MATR3: variants seen among roughly 807,000 people sequenced by gnomAD.
MATR3 encodes matrin-3.
MATR3 carries 4 observed loss-of-function variants against 85.5 expected under a neutral mutation model. The observed-to-expected ratio is 0.05, with a 90% CI of 0.02 to 0.11. The LOEUF (loss-of-function observed/expected upper bound fraction) is 0.11. MATR3 is among the 10% of genes least tolerant of loss of function. MATR3 has a pLI of 1.00. For missense variants in MATR3, 685 were observed against 1,016.1 expected (o/e 0.67, Z 4.43); for synonymous variants, 336 against 343.1 (o/e 0.98, Z 0.23).
intron 1 of MATR3, chr5:139,274,446 T>G (rs1348713560): frequency 4.8e-6 from 1 of 209,812 alleles, no homozygotes; most frequent in Non-Finnish European, 9.9e-6. Flanking sequence ...GAGGAACAAA[T>G]GTCCGGTGGA....
In MATR3 at chr5:139,307,526, T is replaced by C; in HGVS notation, c.111T>C (p.Ser37=). 1.2e-6 allele frequency: 2 copies of C among 1,614,138 alleles called. No homozygotes were observed. The highest frequency in any genetic ancestry group is 2.2e-5 in the East Asian group (1 of 44,884). The change falls in exon 2 of 15, where the codon AGT becomes AGC. Residue 37 remains serine, a synonymous_variant. Coordinates refer to ENST00000394805, the MANE Select transcript of MATR3 (RefSeq NM_018834.6). This position sits in a 1 kb window ranked among gnomAD's most constrained non-coding sequence, Gnocchi z 4.4. ...TTGCTGCTGCTACCCAGTCTTTAAG[T>C]ATGCCAGCATCTCTTGGAAGGATGA... ...GLLAAATQSL[S]MPASLGRMNQ... is the part of the protein sequence containing the mutation.
At chr5:139,298,180 CTT>C (rs750580473) in intron 1 of MATR3, among the ~76,000 whole-genome samples, 1 of 152,196 alleles carries the variant, frequency 6.6e-6, no homozygotes, top group African/African-American at 2.4e-5. Flanking sequence ...AACCGTCCCT[CTT>C]AACACACGGG....
At chr5:139,274,999 G>T (rs1753215972) in intron 1 of MATR3, among the ~76,000 whole-genome samples, 1 of 151,242 alleles carries the variant, frequency 6.6e-6, no homozygotes, top group Non-Finnish European at 1.5e-5. Flanking sequence ...TTTTTTTAAC[G>T]GAGTCTTGCT....
intron 12 of MATR3, among the ~76,000 whole-genome samples, chr5:139,325,085 C>G (rs1294780711): frequency 6.6e-6 from 1 of 151,650 alleles, no homozygotes; most frequent in Non-Finnish European, 1.5e-5. Flanking sequence ...CCCAGCTACT[C>G]GGGAGGCTGA....
At chr5:139,319,116 C>CT in intron 8 of MATR3, 83 bp downstream of exon 8, 1 of 1,477,302 alleles carries the variant, frequency 6.8e-7, no homozygotes, top group East Asian at 2.4e-5. Context: ...CAAATTATTG[C>CT]TAAGGCCAGG....
chr5:139,319,449 C>T lies in MATR3; in HGVS notation c.1550C>T (p.Ala517Val). The T allele has an allele frequency of 6.2e-7, 1 of 1,613,900 alleles. No homozygotes were observed. Among genetic ancestry groups the T allele is most frequent in the Non-Finnish European group, 8.5e-7 (1 of 1,179,898 alleles). Residue 517 changes from alanine (A) to valine (V), a missense_variant, in exon 9 of 15, where the codon GCT becomes GTT. Around this residue, in one of 9 missense-constraint regions of MATR3, gnomAD observed 50 missense variants for 133.4 expected, o/e 0.37. Coordinates refer to ENST00000394805, the MANE Select transcript of MATR3 (RefSeq NM_018834.6). ...GYSDSAVLKL[A>V]EPYGKIKNYI... ...TCTGATAGTGCTGTTCTCAAGCTTG[C>T]TGAGCCTTATGGGAAAATAAAGAAT...
chr5:139,305,320 C>CGA (rs1554146006), intron 1 of MATR3, among the ~76,000 whole-genome samples: 3 of 152,262 alleles, frequency 2.0e-5, no homozygotes, highest in Admixed American at 6.5e-5. Context: ...GCTCTGTAGT[C>CGA]TAACAGTCAC....
intron 9 of MATR3, among the ~76,000 whole-genome samples, chr5:139,320,408 G>A (rs1241447972): frequency 2.6e-5 from 4 of 152,024 alleles, no homozygotes; most frequent in South Asian, 4.1e-4. Context: ...GTTTGAGACC[G>A]CCCTGACAAC....
intron 2 of MATR3, among the ~76,000 whole-genome samples, chr5:139,278,010 A>G (rs1018326033): frequency 6.6e-6 from 1 of 152,046 alleles, no homozygotes; most frequent in African/African-American, 2.4e-5. Context: ...TGGGAGGATC[A>G]TTTGAACCCA....
chr5:139,275,928 T>C (rs1254250619), intron 1 of MATR3, among the ~76,000 whole-genome samples: 17 of 152,236 alleles, frequency 1.1e-4, no homozygotes, highest in Non-Finnish European at 1.2e-4. Context: ...TCGACTCTTT[T>C]GCTACTATTG....
chr5:139,319,352 G>T lies in MATR3; in HGVS notation c.1453G>T (p.Asp485Tyr), dbSNP rs1231907593. Residue 485 changes from aspartate to tyrosine, a missense_variant, in exon 9 of 15, where the codon GAT becomes TAT. Asp to Tyr is a radical substitution (Grantham distance 160). Coordinates refer to ENST00000394805, the MANE Select transcript of MATR3 (RefSeq NM_018834.6). ...KRIKKPEGKP[D>Y]QKFDQKQELG... is the part of the protein sequence containing the mutation. ...ATTAAAGAAACCTGAAGGAAAGCCA[G>T]ATCAGAAGTTTGATCAAAAGCAAGA... 6.2e-7 allele frequency: 1 copy of T among 1,614,118 alleles called. No individual in the cohort carries two copies. Among genetic ancestry groups the T allele is most frequent in the Non-Finnish European group, 8.5e-7 (1 of 1,180,014 alleles).
chr5:139,322,320 C>A (rs905154401), intron 10 of MATR3, 143 bp from the exon 11 acceptor site: 8 of 825,204 alleles, frequency 9.7e-6, no homozygotes, highest in Non-Finnish European at 1.6e-5. Context: ...TGATGAATGT[C>A]TGTAGGCAGC....
At position 139,331,004 on chromosome 5, in the gene MATR3, T is replaced by C. The variant is rs528725251; in HGVS notation, c.*1609T>C. The C allele has an allele frequency of 2.2e-6, 1 of 454,118 alleles. No individual in the cohort carries two copies. Among genetic ancestry groups the C allele is most frequent in the Non-Finnish European group, 4.4e-6 (1 of 226,800 alleles). 28.1% of individuals were successfully genotyped at this position (454,118 alleles called of 1,614,324 possible). On this transcript the variant is annotated 3_prime_UTR_variant, in exon 15 of 15. Coordinates refer to ENST00000394805, the MANE Select transcript of MATR3 (RefSeq NM_018834.6). ...TGGGGCTTTGCCATGTTGCCCAGGT[T>C]GATCTTGAATTCCTGGGCCCAAGTG...
Position 139,329,561 on chromosome 5 carries a change from A to C in MATR3, c.*166A>C, listed in dbSNP as rs757009272. On this transcript the variant is annotated 3_prime_UTR_variant, in exon 15 of 15. Transcript: ENST00000394805. ...TCATGTGTTAAGTGTTATAGCAAAA[A>C]AAATACACATATGGTTAAGTTAATG... is the stretch of plus-strand genomic sequence containing the variant. 1.5e-6 allele frequency: 1 copy of C among 647,518 alleles called. No individual in the cohort carries two copies. The highest frequency in any genetic ancestry group is 1.5e-5 in the South Asian group (1 of 64,854). 40.1% of individuals were successfully genotyped at this position (647,518 alleles called of 1,614,324 possible).
At chr5:139,279,240 T>G (rs866449525) in intron 3 of MATR3, 11 of 444,030 alleles carry the variant, frequency 2.5e-5, no homozygotes, top group Middle Eastern at 1.4e-3. Flanking sequence ...AGACTTTTTT[T>G]TGGGGGGGGA....
rs745417770 is a variant in MATR3, at chr5:139,330,252, C to T, written c.*857C>T. 6.4e-5 allele frequency: 29 copies of T among 453,764 alleles called. No individual in the cohort carries two copies. Among genetic ancestry groups the T allele is most frequent in the Non-Finnish European group, 8.8e-5 (20 of 226,386 alleles). 28.1% of individuals were successfully genotyped at this position (453,764 alleles called of 1,614,324 possible). Reference sequence around the variant, plus strand: ...CAGTTTGGCCATAATCCTAGATGCACGCTTCTAATTCATGTACCTGCACAT... The same window carrying T: ...CAGTTTGGCCATAATCCTAGATGCATGCTTCTAATTCATGTACCTGCACAT... On this transcript the variant is annotated 3_prime_UTR_variant, in exon 15 of 15. Coordinates refer to ENST00000394805, the MANE Select transcript of MATR3 (RefSeq NM_018834.6).
At chr5:139,327,905 A>G (rs1755941396) in intron 14 of MATR3, among the ~76,000 whole-genome samples, 1 of 151,906 alleles carries the variant, frequency 6.6e-6, no homozygotes, top group Non-Finnish European at 1.5e-5. Context: ...CTTGTTCCCC[A>G]AGCTGGAGTG....
At chr5:139,304,550 T>G (rs1159135327) in intron 1 of MATR3, among the ~76,000 whole-genome samples, 1 of 152,024 alleles carries the variant, frequency 6.6e-6, no homozygotes, top group Admixed American at 6.6e-5. Context: ...AAATGGCATT[T>G]GTGTAGTGAA....
chr5:139,325,287 T>C, intron 12 of MATR3, 153 bp from the exon 13 acceptor site: 5 of 1,552,448 alleles, frequency 3.2e-6, no homozygotes, highest in Non-Finnish European at 4.4e-6. Context: ...AATTTGTCTT[T>C]CTTAACAGCG....
Sources: allele counts gnomAD v4.1 joint callset (sites outside exome capture counted in the v4.1 genomes callset), GRCh38; gene constraint gnomAD v4.1.1; regional missense constraint gnomAD v4.1.1; non-coding constraint Gnocchi (gnomAD v3.1); transcripts MANE v1.5; gene names NCBI Gene and HGNC (gene_info 2026-07-23, HGNC 2026-07-21).